Variants in ADAM7 observed in about 807,000 individuals in gnomAD.
The protein encoded by ADAM7 is disintegrin and metalloproteinase domain-containing protein 7.
Under a neutral mutation model 102.9 loss-of-function variants are expected in ADAM7, and 97 were observed. The observed-to-expected ratio is 0.94, with a 90% CI of 0.80 to 1.12. The LOEUF (loss-of-function observed/expected upper bound fraction) is 1.12, where lower values mean the gene tolerates loss of function less well. Among genes scored for constraint, ADAM7 ranks in the 50% most tolerant of loss-of-function variants. ADAM7 has a pLI of 0.00. For synonymous variants in ADAM7, 334 were observed against 304.4 expected (o/e 1.10, Z -1.01); for missense variants, 991 against 908.7 (o/e 1.09, Z -1.16).
rs1820253286 is a variant in ADAM7, at chr8:24,489,248, CATTTCCTTACA to C, written c.1186_1196del (p.Pro396SerfsTer2). ...AAGCCAACATGCATGCTCAACATTCCATTTCCTTACAATTTTCATGATTTCCAATTTTGTGG... is the reference window on the plus strand; with the variant it reads ...AAGCCAACATGCATGCTCAACATTCCATTTTCATGATTTCCAATTTTGTGG... On this transcript the variant is annotated frameshift_variant, in exon 12 of 22. Coordinates refer to ENST00000175238, the MANE Select transcript of ADAM7 (RefSeq NM_003817.4). LOFTEE classifies it high-confidence loss of function. 9 of 1,613,636 alleles carry C rather than the reference CATTTCCTTACA, an allele frequency of 5.6e-6. No homozygotes were observed. The highest frequency in any genetic ancestry group is 7.6e-6 in the Non-Finnish European group (9 of 1,179,726).
chr8:24,502,916 G>C (rs972252057), intron 20 of ADAM7, among the ~76,000 whole-genome samples: 7 of 69,930 alleles, frequency 1.0e-4, no homozygotes, highest in African/African-American at 5.0e-4. Flanking sequence ...GTCATTACAA[G>C]AAGAAAAAGC....
intron 11 of ADAM7, among the ~76,000 whole-genome samples, 175 bp downstream of exon 11, chr8:24,487,492 CA>C (rs1820182059): frequency 6.6e-6 from 1 of 151,768 alleles, no homozygotes; most frequent in African/African-American, 2.4e-5. Context: ...ACTAAAAATA[CA>C]AAATTAGCCA....
chr8:24,462,970 T>C (rs188372476), intron 3 of ADAM7, among the ~76,000 whole-genome samples: 4 of 152,198 alleles, frequency 2.6e-5, no homozygotes, highest in Non-Finnish European at 4.4e-5. Flanking sequence ...ATTTGGAATA[T>C]TTGGAGTAAA....
intron 17 of ADAM7, 105 bp from the exon 18 acceptor site, chr8:24,500,073 C>A: frequency 1.1e-6 from 1 of 882,168 alleles, no homozygotes. Context: ...CGCGCTTGTG[C>A]TTGTGTGCAT....
chr8:24,503,789 C>T (rs1320788590), intron 20 of ADAM7, among the ~76,000 whole-genome samples: 2 of 152,040 alleles, frequency 1.3e-5, no homozygotes, highest in Non-Finnish European at 2.9e-5. Flanking sequence ...GAAAACCAAA[C>T]ACCGCATGTT....
chr8:24,484,546 G>T (rs1820067454), intron 9 of ADAM7, among the ~76,000 whole-genome samples: 1 of 152,086 alleles, frequency 6.6e-6, no homozygotes, highest in Non-Finnish European at 1.5e-5. Flanking sequence ...TTCTATGGTT[G>T]ATTAAAAGTC....
chr8:24,451,904 T>C (rs1377112800), intron 3 of ADAM7, among the ~76,000 whole-genome samples: 3 of 151,178 alleles, frequency 2.0e-5, no homozygotes, highest in African/African-American at 7.3e-5. Context: ...CATTTCATTA[T>C]GTACCCAGTA....
chr8:24,464,966 T>C (rs1309364774), intron 4 of ADAM7, among the ~76,000 whole-genome samples: 1 of 151,766 alleles, frequency 6.6e-6, no homozygotes, highest in African/African-American at 2.4e-5. Flanking sequence ...TTTGTATTTT[T>C]AGTAGAGGCG....
intron 2 of ADAM7, among the ~76,000 whole-genome samples, chr8:24,446,230 G>C (rs1209722620): frequency 6.6e-6 from 1 of 152,076 alleles, no homozygotes; most frequent in East Asian, 1.9e-4. Context: ...ACTGGTGAAA[G>C]GGCATGAATC....
chr8:24,452,371 T>C (rs1294742817), intron 3 of ADAM7, among the ~76,000 whole-genome samples: 1 of 148,300 alleles, frequency 6.7e-6, no homozygotes, highest in African/African-American at 2.5e-5. Context: ...TAGTTAGCTC[T>C]TCTTGTTGAA....
chr8:24,465,889 A>G, intron 5 of ADAM7, 114 bp downstream of exon 5: 1 of 690,352 alleles, frequency 1.4e-6, no homozygotes, highest in Non-Finnish European at 2.2e-6. Flanking sequence ...TTAATGAGAA[A>G]AAAGCTGCTG....
chr8:24,494,359 A>T (rs1408805369), intron 16 of ADAM7, among the ~76,000 whole-genome samples: 1 of 152,238 alleles, frequency 6.6e-6, no homozygotes, highest in African/African-American at 2.4e-5. Flanking sequence ...AAGCTAAAAA[A>T]TTCAAAGGTA....
rs1563392939 is a variant in ADAM7, at chr8:24,492,101, G to A, written c.1552+3G>A. 2 of 1,610,558 alleles carry A rather than the reference G, an allele frequency of 1.2e-6. No homozygotes were observed. Reference sequence around the variant, plus strand: ...GTGCTCTGAACTATTTGATGATGGTGAGAGATAATCACAGTGAAGTATTCA... The same window carrying A: ...GTGCTCTGAACTATTTGATGATGGTAAGAGATAATCACAGTGAAGTATTCA... On this transcript the variant is annotated splice_donor_region_variant and intron_variant, in intron 14 of 21. Transcript: ENST00000175238.
intron 2 of ADAM7, among the ~76,000 whole-genome samples, chr8:24,444,286 TTAAA>T: frequency 6.6e-6 from 1 of 150,794 alleles, no homozygotes; most frequent in African/African-American, 2.4e-5. Flanking sequence ...AATAAATAAA[TTAAA>T]TAAATAAATT....
rs534259238 is a variant in ADAM7 at position 24,466,818 on chromosome 8, G to T, written c.409G>T (p.Asp137Tyr). 8.1e-6 allele frequency: 13 copies of T among 1,612,688 alleles called. No individual in the cohort carries two copies. Among genetic ancestry groups the T allele is most frequent in the South Asian group, 2.2e-5 (2 of 90,550 alleles). ...CTACAGGGGATTCTTCAGAATAAAC[G>T]ACCAAAGATACCTCATTGAACCAGT... ...NGLRGFFRIN[D>Y]QRYLIEPVKY... Residue 137 changes from aspartate (D) to tyrosine (Y), a missense_variant, in exon 6 of 22, where the codon GAC becomes TAC. Physicochemically the swap from Asp to Tyr is radical, Grantham distance 160. Transcript: ENST00000175238.
chr8:24,505,578 G>A (rs894559872), intron 20 of ADAM7, among the ~76,000 whole-genome samples: 1 of 152,036 alleles, frequency 6.6e-6, no homozygotes, highest in African/African-American at 2.4e-5. Flanking sequence ...GGGGTTTGGG[G>A]GAGGTCCGTC....
chr8:24,459,859 G>C (rs144464197), intron 3 of ADAM7, among the ~76,000 whole-genome samples: 1 of 151,984 alleles, frequency 6.6e-6, no homozygotes, highest in Admixed American at 6.6e-5. Context: ...TTCTTATTGA[G>C]TGTTTATTTT....
intron 7 of ADAM7, among the ~76,000 whole-genome samples, chr8:24,469,271 G>A (rs1333546575): frequency 6.6e-6 from 1 of 152,114 alleles, no homozygotes; most frequent in Non-Finnish European, 1.5e-5. Flanking sequence ...ATTTGGAAAT[G>A]AGACCTCTGC....
At chr8:24,507,424 C>T in intron 20 of ADAM7, 56 bp from the exon 21 acceptor site, 1 of 1,393,118 alleles carries the variant, frequency 7.2e-7, no homozygotes. Context: ...TGTGTGGATG[C>T]CCATGCGTGT....
Sources: allele counts gnomAD v4.1 joint callset (sites outside exome capture counted in the v4.1 genomes callset), GRCh38; gene constraint gnomAD v4.1.1; transcripts MANE v1.5; gene names NCBI Gene and HGNC (gene_info 2026-07-23, HGNC 2026-07-21).